The following CDH13 variants were observed in gnomAD, a reference collection of about 807,000 sequenced individuals.
CDH13 encodes cadherin 13, also known as cadherin-13.
In CDH13, 24 loss-of-function variants were observed where a neutral mutation model predicts 63.8. The ratio of observed to expected loss-of-function variants is 0.38; its 90% CI spans 0.27 to 0.53. The LOEUF (loss-of-function observed/expected upper bound fraction) is 0.53. Among genes scored for constraint, CDH13 ranks in the 20% least tolerant of loss-of-function variants. CDH13 has a pLI of 0.85. For missense variants in CDH13, 1,049 were observed against 903.1 expected, an observed-to-expected ratio of 1.16 and a Z score of -2.07; for synonymous variants, 503 against 355.3, an observed-to-expected ratio of 1.42 and a Z score of -4.67.
At chr16:82,629,704 T>G (rs1200617547) in intron 1 of CDH13, among the ~76,000 whole-genome samples, 1 of 152,166 alleles carries the variant, frequency 6.6e-6, no homozygotes, top group Non-Finnish European at 1.5e-5. Context: ...GTTTTAGGCA[T>G]TTTGGTAGGA....
intron 6 of CDH13, among the ~76,000 whole-genome samples, chr16:83,372,749 T>TAAAAAAA (rs35480546): frequency 1.0e-5 from 1 of 95,574 alleles, no homozygotes; most frequent in Admixed American, 1.2e-4. Context: ...AGACTCGGTC[T>TAAAAAAA]AAAAAAAAAA....
intron 6 of CDH13, among the ~76,000 whole-genome samples, chr16:83,388,313 G>C (rs2091717997): frequency 6.6e-6 from 1 of 151,578 alleles, no homozygotes; most frequent in Non-Finnish European, 1.5e-5. Context: ...TGTTAGCCAG[G>C]CATGGTGGTA....
intron 10 of CDH13, among the ~76,000 whole-genome samples, chr16:83,700,773 A>T (rs754884084): frequency 6.6e-6 from 1 of 152,162 alleles, no homozygotes; most frequent in Non-Finnish European, 1.5e-5. Context: ...GGCCACCATT[A>T]TATTTCATTT....
At chr16:82,845,131 A>G (rs1204012844) in intron 1 of CDH13, among the ~76,000 whole-genome samples, 1 of 152,154 alleles carries the variant, frequency 6.6e-6, no homozygotes, top group Admixed American at 6.5e-5. Flanking sequence ...AAGGCAGGAA[A>G]GGAGAGAGAA....
At chr16:83,203,113 A>C (rs868389341) in intron 4 of CDH13, among the ~76,000 whole-genome samples, 3 of 152,156 alleles carry the variant, frequency 2.0e-5, no homozygotes, top group Admixed American at 1.3e-4. Flanking sequence ...AATCTTAGCT[A>C]CTTGGGAGGC....
chr16:82,737,895 A>G (rs187895501), intron 1 of CDH13, among the ~76,000 whole-genome samples: 5 of 152,384 alleles, frequency 3.3e-5, no homozygotes, highest in Admixed American at 3.3e-4. Context: ...CATCAGCTTC[A>G]TAATCAAGGC....
intron 7 of CDH13, among the ~76,000 whole-genome samples, chr16:83,589,242 C>T (rs1906482850): frequency 6.9e-6 from 1 of 144,302 alleles, no homozygotes; most frequent in Non-Finnish European, 1.5e-5. Flanking sequence ...CATCCCCCTC[C>T]CTCTTCTCTC....
At chr16:83,496,289 A>G (rs1349139920) in intron 7 of CDH13, among the ~76,000 whole-genome samples, 3 of 147,532 alleles carry the variant, frequency 2.0e-5, no homozygotes, top group Non-Finnish European at 3.0e-5. Flanking sequence ...CCAAAACAGC[A>G]TGGTACTGGT....
chr16:82,717,191 C>T (rs1257548790), intron 1 of CDH13, among the ~76,000 whole-genome samples: 2 of 152,034 alleles, frequency 1.3e-5, no homozygotes, highest in Admixed American at 6.6e-5. Flanking sequence ...CCCAACAAGG[C>T]TCCTGAACCT....
intron 5 of CDH13, among the ~76,000 whole-genome samples, chr16:83,319,800 G>A (rs1451267387): frequency 1.3e-5 from 2 of 152,148 alleles, no homozygotes; most frequent in Admixed American, 6.6e-5. Flanking sequence ...GCTTGAATGG[G>A]CTCTAAGTGA....
chr16:82,890,867 G>C (rs2041056338), intron 2 of CDH13, among the ~76,000 whole-genome samples: 1 of 151,892 alleles, frequency 6.6e-6, no homozygotes, highest in Admixed American at 6.6e-5. Flanking sequence ...GGCCAGGCTG[G>C]TCTTGAACTC....
At chr16:83,249,717 T>C (rs1381114654) in intron 5 of CDH13, among the ~76,000 whole-genome samples, 3 of 152,236 alleles carry the variant, frequency 2.0e-5, no homozygotes, top group Non-Finnish European at 4.4e-5. Context: ...CTCCAATTCA[T>C]GTCCATTCTA....
In CDH13 at chr16:83,691,071, C is replaced by CGTGTGT. The variant is rs58023339; in HGVS notation, c.1538+12653_1538+12658dup. Among the ~76,000 whole-genome samples the CGTGTGT allele has an allele frequency of 1.5e-3, 215 of 141,002 alleles. 5 individuals are homozygous for CGTGTGT. The highest frequency in any genetic ancestry group is 9.5e-3 in the Admixed American group (132 of 13,864). The allele number at this position is 141,002 out of a possible 152,430, so 92.5% of individuals were successfully genotyped here. A position where few individuals can be genotyped will look rare whatever the true frequency, so the allele number is the denominator to read the frequency against. On this transcript the variant is annotated intron_variant, in intron 10 of 13. Transcript: ENST00000567109. ...ACAGGGATTTGCTAACCAACTGTGC[C>CGTGTGT]GTGTGTGTGTGTGTGTGTGTGTGTG...
At chr16:82,767,468 G>A (rs542050833) in intron 1 of CDH13, among the ~76,000 whole-genome samples, 2 of 152,182 alleles carry the variant, frequency 1.3e-5, no homozygotes, top group African/African-American at 4.8e-5. Context: ...TTGTTGCACC[G>A]ATGTGCTTTC....
intron 1 of CDH13, among the ~76,000 whole-genome samples, chr16:82,652,387 G>T (rs1024722146): frequency 6.6e-6 from 1 of 152,188 alleles, no homozygotes; most frequent in East Asian, 1.9e-4. Context: ...GTTAAATAAG[G>T]AACGACCTCT....
intron 7 of CDH13, among the ~76,000 whole-genome samples, chr16:83,529,515 G>T (rs1287830251): frequency 6.6e-6 from 1 of 152,036 alleles, no homozygotes; most frequent in African/African-American, 2.4e-5. Context: ...TAATATCTAT[G>T]ATTTACTAGC....
intron 5 of CDH13, among the ~76,000 whole-genome samples, chr16:83,254,060 A>G: frequency 6.6e-6 from 1 of 152,162 alleles, no homozygotes; most frequent in East Asian, 1.9e-4. Context: ...GAAGGACAAG[A>G]CGCCGCAGTG....
chr16:82,929,187 G>C (rs1222844006), intron 2 of CDH13, among the ~76,000 whole-genome samples: 1 of 152,104 alleles, frequency 6.6e-6, no homozygotes, highest in Non-Finnish European at 1.5e-5. Flanking sequence ...GAATGTTTGT[G>C]CTCCCCAGAA....
intron 5 of CDH13, among the ~76,000 whole-genome samples, chr16:83,228,866 G>A (rs1408507240): frequency 6.6e-6 from 1 of 152,198 alleles, no homozygotes; most frequent in Non-Finnish European, 1.5e-5. Flanking sequence ...GGACTGATCC[G>A]GTTGACATGC....
Sources: allele counts gnomAD v4.1 joint callset (sites outside exome capture counted in the v4.1 genomes callset), GRCh38; gene constraint gnomAD v4.1.1; transcripts MANE v1.5; gene names NCBI Gene and HGNC (gene_info 2026-07-23, HGNC 2026-07-21).